The following DENND4C variants were observed in gnomAD, a reference collection of about 807,000 sequenced individuals.
DENND4C encodes the protein DENN domain containing 4C, also known as DENN domain-containing protein 4C.
Under a neutral mutation model 203.0 loss-of-function variants are expected in DENND4C, and 108 were observed. That is an observed-to-expected ratio of 0.53 (90% CI 0.46 to 0.62). The LOEUF (loss-of-function observed/expected upper bound fraction) is 0.62, where lower values mean the gene tolerates loss of function less well. Ranked by LOEUF, DENND4C falls within the 20% of genes least tolerant of loss-of-function variation. The pLI is 0.00. For synonymous variants in DENND4C, 871 were observed against 792.4 expected, an observed-to-expected ratio of 1.10 and a Z score of -1.67; for missense variants, 2,481 against 2,301.2, an observed-to-expected ratio of 1.08 and a Z score of -1.60.
At chr9:19,283,054 G>C (rs1465217247) in intron 2 of DENND4C, among the ~76,000 whole-genome samples, 1 of 151,692 alleles carries the variant, frequency 6.6e-6, no homozygotes, top group African/African-American at 2.4e-5. Flanking sequence ...TTTTTGCAAA[G>C]ATGAGGTCCT....
Position 19,361,909 on chromosome 9 carries a change from A to C in DENND4C, c.5470A>C (p.Ile1824Leu). ...LVYIQLLWDN[I>L]NLHQEPREPL... ...GTATATTCAGCTGTTATGGGATAAT[A>C]TCAACCTTCATCAGGAACCAAGAGA... is the stretch of plus-strand genomic sequence containing the variant. Residue 1824 changes from isoleucine (I) to leucine (L), a missense_variant, in exon 30 of 33, where the codon ATC (isoleucine) becomes CTC (leucine). Transcript: ENST00000434457. 6.2e-7 allele frequency: 1 copy of C among 1,612,690 alleles called. No individual in the cohort carries two copies. Among genetic ancestry groups the C allele is most frequent in the Non-Finnish European group, 8.5e-7 (1 of 1,178,756 alleles).
chr9:19,373,386 A>AAATGTGCTT lies in DENND4C; in HGVS notation c.*1215_*1216insTGTGCTTAA, dbSNP rs1563854239. ...TTCATTGGAATGTGCTTAAAATGCT[A>AAATGTGCTT]AAGTGTATGTCATTGAACATGAAAT... On this transcript the variant is annotated 3_prime_UTR_variant, in exon 33 of 33. Coordinates refer to ENST00000434457, the MANE Select transcript of DENND4C (RefSeq NM_001330640.2). 6.6e-6 allele frequency: 1 copy of AAATGTGCTT among 152,658 alleles called. No individual in the cohort carries two copies. The highest frequency in any genetic ancestry group is 1.5e-5 in the Non-Finnish European group (1 of 68,040). The allele number at this position is 152,658 out of a possible 1,614,324, so 9.5% of individuals were successfully genotyped here. A position where few individuals can be genotyped will look rare whatever the true frequency, so the allele number is the denominator to read the frequency against.
rs1826182819 is a variant in DENND4C at position 19,360,238 on chromosome 9, T to G, written c.5161-6T>G. On this transcript the variant is annotated splice_region_variant and splice_polypyrimidine_tract_variant and intron_variant, in intron 28 of 32. Coordinates refer to ENST00000434457, the MANE Select transcript of DENND4C (RefSeq NM_001330640.2). ...AATATTAATTTCTTTTTGTATTTTTTTTAAGGATCCTTTAGGAAAAAGACC... is the reference window on the plus strand; with the variant it reads ...AATATTAATTTCTTTTTGTATTTTTGTTAAGGATCCTTTAGGAAAAAGACC... 1 of 1,610,068 alleles carries G rather than the reference T, an allele frequency of 6.2e-7. No individual in the cohort carries two copies. Among genetic ancestry groups the G allele is most frequent in the South Asian group, 1.1e-5 (1 of 90,138 alleles).
intron 27 of DENND4C, 37 bp from the exon 28 acceptor site, chr9:19,357,928 A>G (rs749237503): frequency 1.3e-6 from 2 of 1,498,430 alleles, no homozygotes; most frequent in Non-Finnish European, 1.8e-6. Flanking sequence ...CTGTTTTTCA[A>G]CATGAACATA....
intron 20 of DENND4C, among the ~76,000 whole-genome samples, chr9:19,340,778 G>A (rs979523052): frequency 6.6e-6 from 1 of 152,104 alleles, no homozygotes; most frequent in East Asian, 1.9e-4. Flanking sequence ...AAGATGTAGT[G>A]CTTCCAAATG....
intron 2 of DENND4C, among the ~76,000 whole-genome samples, chr9:19,282,557 AT>A (rs1422553827): frequency 8.2e-6 from 1 of 122,420 alleles, no homozygotes; most frequent in Non-Finnish European, 1.8e-5. Context: ...CCTGGCAAAA[AT>A]TAAAAAAAAA....
chr9:19,294,576 C>T (rs971739025), intron 5 of DENND4C, among the ~76,000 whole-genome samples: 1 of 152,270 alleles, frequency 6.6e-6, no homozygotes, highest in Non-Finnish European at 1.5e-5. Context: ...CAAACAGATA[C>T]TTGTACGCCA....
In DENND4C at chr9:19,346,198, T is replaced by C; in HGVS notation, c.3429T>C (p.Ile1143=). 1.2e-6 allele frequency: 2 copies of C among 1,614,212 alleles called. No homozygotes were observed. The highest frequency in any genetic ancestry group is 1.7e-6 in the Non-Finnish European group (2 of 1,180,038). Residue 1143 remains isoleucine, a synonymous_variant, in exon 23 of 33, where the codon ATT becomes ATC. Transcript: ENST00000434457. ...GTCCTAAGACTTCTCTACTTCATATTGCAAGAACCCATAGCTTTGAGAATG... is the reference window on the plus strand; with the variant it reads ...GTCCTAAGACTTCTCTACTTCATATCGCAAGAACCCATAGCTTTGAGAATG... ...LTCPKTSLLH[I]ARTHSFENVS...
Position 19,239,384 on chromosome 9 carries a change from C to T in DENND4C, c.-18+8551C>T, listed in dbSNP as rs192736423. Among the ~76,000 whole-genome samples the T allele has an allele frequency of 1.6e-4, 24 of 151,964 alleles. No homozygotes were observed. The East Asian group carries it at 4.3e-3, about 27-fold the overall frequency. ...GAGACTATTATTTAATTTCTAAATA[C>T]TGGAGAATTTTATATAGTATCTTTA... On this transcript the variant is annotated intron_variant, in intron 1 of 32. Coordinates refer to ENST00000434457, the MANE Select transcript of DENND4C (RefSeq NM_001330640.2).
chr9:19,304,892 C>T (rs1447451152), intron 9 of DENND4C, among the ~76,000 whole-genome samples: 1 of 151,080 alleles, frequency 6.6e-6, no homozygotes, highest in East Asian at 1.9e-4. Context: ...TGTTAGCATT[C>T]CCTGGAAAAT....
Position 19,327,947 on chromosome 9 carries a change from T to A in DENND4C, c.2121-83T>A. 5 of 1,313,486 alleles carry A rather than the reference T, an allele frequency of 3.8e-6. No homozygotes were observed. The South Asian group carries it at 7.6e-5, about 20-fold the overall frequency. The allele number at this position is 1,313,486 out of a possible 1,614,324, so 81.4% of individuals were successfully genotyped here. On this transcript the variant is annotated intron_variant, in intron 15 of 32. Coordinates refer to ENST00000434457, the MANE Select transcript of DENND4C (RefSeq NM_001330640.2). ...ATAATGTTGGATACTATTTGAAGTT[T>A]AGAAATATTTGCCTAAACGCTGGAA...
At chr9:19,264,956 T>C (rs1830185085) in intron 1 of DENND4C, among the ~76,000 whole-genome samples, 1 of 152,174 alleles carries the variant, frequency 6.6e-6, no homozygotes, top group Admixed American at 6.6e-5. Flanking sequence ...CTGTTTTTGC[T>C]GTATCCTGTA....
At chr9:19,336,877 T>A in intron 20 of DENND4C, 45 bp downstream of exon 20, 1 of 1,513,250 alleles carries the variant, frequency 6.6e-7, no homozygotes, top group Non-Finnish European at 8.9e-7. Flanking sequence ...ACTCTCATGT[T>A]AAATCTTTCC....
In DENND4C at chr9:19,372,201, C is replaced by T. The variant is rs140821869; in HGVS notation, c.*28C>T. ...AGAGATTCACTAGAATGTTGACACA[C>T]AAGGCTTGGGGATTAGATTTCATCT... On this transcript the variant is annotated 3_prime_UTR_variant, in exon 33 of 33. Coordinates refer to ENST00000434457, the MANE Select transcript of DENND4C (RefSeq NM_001330640.2). 18 of 1,594,104 alleles carry T rather than the reference C, an allele frequency of 1.1e-5. No homozygotes were observed. The East Asian group carries it at 3.8e-4, about 34-fold the overall frequency.
intron 2 of DENND4C, among the ~76,000 whole-genome samples, chr9:19,285,652 C>T (rs10757050): frequency 0.51 from 76,102 of 150,330 alleles, 20,177 homozygotes; most frequent in South Asian, 0.67. Flanking sequence ...TTTGTCTAAC[C>T]TAAGGTCACA....
chr9:19,252,936 C>T lies in DENND4C; in HGVS notation c.-18+22103C>T, dbSNP rs146534337. 9.2e-3 allele frequency among the ~76,000 whole-genome samples: 1,403 copies of T among 152,254 alleles called. 30 individuals carry two copies. Among genetic ancestry groups the T allele is most frequent in the Admixed American group, 0.037 (566 of 15,278 alleles). The stretch of plus-strand genomic sequence containing the variant: ...ATTTTTAGTAGAGATGGGGTTTTGC[C>T]GTGTTGGCCAGGCTGGTCTCAAAAC... On this transcript the variant is annotated intron_variant, in intron 1 of 32. Transcript: ENST00000434457.
At chr9:19,271,341 A>T (rs4625124) in intron 1 of DENND4C, among the ~76,000 whole-genome samples, 1 of 151,454 alleles carries the variant, frequency 6.6e-6, no homozygotes, top group Admixed American at 6.6e-5. Flanking sequence ...CTGGGATTAC[A>T]GATGTATTCC....
intron 21 of DENND4C, among the ~76,000 whole-genome samples, chr9:19,342,124 C>CAA (rs34191941): frequency 0.027 from 1,669 of 60,852 alleles, 71 homozygotes; most frequent in African/African-American, 0.083. Context: ...GACTCCATCT[C>CAA]AAAAAAAAAA....
chr9:19,344,226 AG>A (rs1289742500), intron 22 of DENND4C, among the ~76,000 whole-genome samples: 1 of 152,246 alleles, frequency 6.6e-6, no homozygotes, highest in Non-Finnish European at 1.5e-5. Context: ...TACAGTAAAA[AG>A]CAATGGATAA....
Sources: allele counts gnomAD v4.1 joint callset (sites outside exome capture counted in the v4.1 genomes callset), GRCh38; gene constraint gnomAD v4.1.1; transcripts MANE v1.5; gene names NCBI Gene and HGNC (gene_info 2026-07-23, HGNC 2026-07-21).